COL12A1: variants seen among roughly 807,000 people sequenced by gnomAD.
The protein encoded by COL12A1 is collagen alpha-1(XII) chain.
COL12A1 carries 114 observed loss-of-function variants against 349.7 expected under a neutral mutation model. That is an observed-to-expected ratio of 0.33 (90% CI 0.28 to 0.38). The LOEUF (loss-of-function observed/expected upper bound fraction) is 0.38, where lower values mean the gene tolerates loss of function less well. COL12A1 is among the 10% of genes least tolerant of loss of function. COL12A1 has a pLI of 1.00. For synonymous variants in COL12A1, 1,369 were observed against 1,329.0 expected (o/e 1.03, Z -0.66); for missense variants, 3,284 against 3,756.9 (o/e 0.87, Z 3.29).
At chr6:75,161,185 AC>A (rs1257875008) in intron 14 of COL12A1, among the ~76,000 whole-genome samples, 1 of 152,142 alleles carries the variant, frequency 6.6e-6, no homozygotes, top group Non-Finnish European at 1.5e-5. Flanking sequence ...GAGGAAACCC[AC>A]AGACATGGAG....
intron 27 of COL12A1, among the ~76,000 whole-genome samples, chr6:75,140,655 C>CAAAAAAAA (rs1236499281): frequency 8.7e-5 from 4 of 46,134 alleles, no homozygotes; most frequent in African/African-American, 2.7e-4. Flanking sequence ...GACTCTGTCT[C>CAAAAAAAA]AAAAAAAAAA....
intron 14 of COL12A1, among the ~76,000 whole-genome samples, chr6:75,160,613 C>T (rs1477427946): frequency 6.6e-6 from 1 of 152,196 alleles, no homozygotes; most frequent in Admixed American, 6.5e-5. Flanking sequence ...CACATACAGT[C>T]GCCCTTTGGT....
chr6:75,137,867 G>A (rs545704969), intron 30 of COL12A1, among the ~76,000 whole-genome samples: 1 of 151,990 alleles, frequency 6.6e-6, no homozygotes, highest in East Asian at 1.9e-4. Context: ...CATGAGGGTG[G>A]GGCTGCCATA....
chr6:75,086,610 A>C, intron 65 of COL12A1, 53 bp from the exon 66 acceptor site: 1 of 1,433,544 alleles, frequency 7.0e-7, no homozygotes. Context: ...TAAGTAAAAA[A>C]TATAAATACA....
rs757075255 is a variant in COL12A1, at chr6:75,089,127, G to A, written c.8989C>T (p.Arg2997Trp). Reference sequence around the variant, plus strand: ...CTACCTGGGGGGCCAGGCAGCCCCCGAGGTCCTGAAGATCCAGTACCCCTT... The same window carrying A: ...CTACCTGGGGGGCCAGGCAGCCCCCAAGGTCCTGAAGATCCAGTACCCCTT... ...GERGTGSSGPRGLPGPPGPQG... is the reference protein window; with the variant it reads ...GERGTGSSGPWGLPGPPGPQG... The change falls in exon 64 of 66, where the codon CGG (arginine) becomes TGG (tryptophan). Residue 2997 changes from arginine to tryptophan, a missense_variant. Transcript: ENST00000322507. The A allele has an allele frequency of 2.9e-5, 46 of 1,611,162 alleles. No individual in the cohort carries two copies. Among genetic ancestry groups the A allele is most frequent in the Non-Finnish European group, 3.6e-5 (42 of 1,179,086 alleles).
rs1767701351 is a variant in COL12A1 at position 75,090,390 on chromosome 6, A to G, written c.8753-92T>C. On this transcript the variant is annotated intron_variant, in intron 62 of 65. Coordinates refer to ENST00000322507, the MANE Select transcript of COL12A1 (RefSeq NM_004370.6). The surrounding 1 kb of genome is among the most constrained non-coding windows in gnomAD (Gnocchi z 4.1). ...TTTCTCTTAGTGTCTAGTGAAATCC[A>G]TCTCCATTCTGCAACCCCTCTAAGG... 1 of 1,231,284 alleles carries G rather than the reference A, an allele frequency of 8.1e-7. No homozygotes were observed. Among genetic ancestry groups the G allele is most frequent in the Non-Finnish European group, 1.1e-6 (1 of 882,890 alleles). The allele number at this position is 1,231,284 out of a possible 1,614,324, so 76.3% of individuals were successfully genotyped here.
intron 2 of COL12A1, among the ~76,000 whole-genome samples, chr6:75,196,887 A>C (rs1289164755): frequency 6.6e-6 from 1 of 152,224 alleles, no homozygotes; most frequent in African/African-American, 2.4e-5. Context: ...CCTTGTTGAT[A>C]TCCAAATGAC....
At chr6:75,136,439 C>T (rs1370720080) in intron 31 of COL12A1, among the ~76,000 whole-genome samples, 3 of 152,142 alleles carry the variant, frequency 2.0e-5, no homozygotes, top group Non-Finnish European at 4.4e-5. Context: ...TCTGATTCAG[C>T]TAAGCTTACT....
At position 75,165,699 on chromosome 6, in the gene COL12A1, T is replaced by C; in HGVS notation, c.2791A>G (p.Met931Val). The C allele has an allele frequency of 6.2e-7, 1 of 1,614,014 alleles. No individual in the cohort carries two copies. Among genetic ancestry groups the C allele is most frequent in the Non-Finnish European group, 8.5e-7 (1 of 1,179,918 alleles). ...IGAYWTSAPG[M>V]VRGYRVSWKS... ...CATGAGACCCTGTAACCGCGAACCATTCCTGGAGCAGATGTCCAATAAGCC... is the reference window on the plus strand; with the variant it reads ...CATGAGACCCTGTAACCGCGAACCACTCCTGGAGCAGATGTCCAATAAGCC... Residue 931 changes from methionine to valine, a missense_variant, in exon 14 of 66, where the codon ATG becomes GTG. Transcript: ENST00000322507.
chr6:75,118,944 C>A, intron 46 of COL12A1, 99 bp downstream of exon 46: 1 of 1,519,304 alleles, frequency 6.6e-7, no homozygotes, highest in Non-Finnish European at 9.0e-7. Context: ...GAAACAGAAA[C>A]AATAAAGTAA....
intron 2 of COL12A1, among the ~76,000 whole-genome samples, chr6:75,196,459 G>A (rs567089111): frequency 6.6e-6 from 1 of 152,294 alleles, no homozygotes; most frequent in South Asian, 2.1e-4. Flanking sequence ...GGACTGCTGC[G>A]TCCAACTGTA....
At chr6:75,091,679 T>C (rs1381686437) in intron 60 of COL12A1, among the ~76,000 whole-genome samples, 154 bp from the exon 61 acceptor site, 1 of 152,164 alleles carries the variant, frequency 6.6e-6, no homozygotes, top group Non-Finnish European at 1.5e-5. Flanking sequence ...ACATTCTGCT[T>C]TTCTATAAAA....
intron 58 of COL12A1, among the ~76,000 whole-genome samples, chr6:75,097,602 C>T (rs1768114288): frequency 6.6e-6 from 1 of 152,140 alleles, no homozygotes; most frequent in Admixed American, 6.5e-5. Flanking sequence ...CCCAGGAAGG[C>T]AGATTCCCTT....
Position 75,152,084 on chromosome 6 carries a change from T to C in COL12A1, c.3835+47A>G, listed in dbSNP as rs183632777. 4.5e-4 allele frequency: 728 copies of C among 1,613,728 alleles called. 1 individual carries two copies. Among genetic ancestry groups the C allele is most frequent in the Non-Finnish European group, 5.7e-4 (675 of 1,179,716 alleles). On this transcript the variant is annotated intron_variant, in intron 19 of 65. Coordinates refer to ENST00000322507, the MANE Select transcript of COL12A1 (RefSeq NM_004370.6). The stretch of plus-strand genomic sequence containing the variant: ...TCACATCACCATTCAGCCACAAACC[T>C]TAACCAGAAGCATGAGCTGAAAGAC...
chr6:75,126,597 C>A, intron 38 of COL12A1, 127 bp from the exon 39 acceptor site: 1 of 1,106,048 alleles, frequency 9.0e-7, no homozygotes, highest in Non-Finnish European at 1.2e-6. Flanking sequence ...TGTCTTTATC[C>A]AGAAAACAAT....
chr6:75,103,690 T>G, intron 55 of COL12A1, 67 bp downstream of exon 55: 2 of 1,425,140 alleles, frequency 1.4e-6, no homozygotes, highest in Non-Finnish European at 2.0e-6. Context: ...ACCCCCTTTG[T>G]GAAAATTTGA....
intron 25 of COL12A1, among the ~76,000 whole-genome samples, chr6:75,144,839 T>C (rs1201831876): frequency 6.6e-6 from 1 of 152,224 alleles, no homozygotes; most frequent in Non-Finnish European, 1.5e-5. Flanking sequence ...ATTAATTCAC[T>C]TAACTGAAAC....
intron 43 of COL12A1, among the ~76,000 whole-genome samples, chr6:75,122,525 GA>G (rs887939748): frequency 6.6e-6 from 1 of 151,914 alleles, no homozygotes; most frequent in African/African-American, 2.4e-5. Context: ...TATTTAAAAA[GA>G]AAAAACTTGT....
chr6:75,099,062 A>T, intron 58 of COL12A1, among the ~76,000 whole-genome samples: 1 of 152,212 alleles, frequency 6.6e-6, no homozygotes, highest in East Asian at 1.9e-4. Context: ...AGAGAATGAA[A>T]GTAATCATTT....
Sources: gnomAD v4.1 joint callset for allele counts (sites outside exome capture counted in the v4.1 genomes callset) on GRCh38, gnomAD v4.1.1 for gene constraint, Gnocchi (gnomAD v3.1) non-coding constraint, MANE v1.5 for transcripts, NCBI Gene and HGNC (gene_info 2026-07-23, HGNC 2026-07-21) for gene names.